The following KHDRBS2 variants were observed in gnomAD, a reference collection of about 807,000 sequenced individuals.
KHDRBS2 encodes KH RNA binding domain containing, signal transduction associated 2, also known as KH domain-containing, RNA-binding, signal transduction-associated protein 2.
KHDRBS2 carries 26 observed loss-of-function variants against 44.3 expected under a neutral mutation model. That is an observed-to-expected ratio of 0.59 (90% confidence interval 0.43 to 0.81). The LOEUF (loss-of-function observed/expected upper bound fraction) is 0.81, where lower values mean the gene tolerates loss of function less well. Among genes scored for constraint, KHDRBS2 ranks in the 40% least tolerant of loss-of-function variants. KHDRBS2 has a pLI of 0.00. For missense variants in KHDRBS2, 476 were observed against 433.1 expected, an observed-to-expected ratio of 1.10 and a Z score of -0.88; for synonymous variants, 194 against 151.1, an observed-to-expected ratio of 1.28 and a Z score of -2.08.
At chr6:61,574,461 T>G in the KHDRBS2 span, 1 of 1,359,994 alleles carries the variant, frequency 7.4e-7, no homozygotes, top group South Asian at 1.3e-5. Context: ...CAACACCCAA[T>G]AAGCCCACAG....
chr6:62,248,752 G>A lies in KHDRBS2; in HGVS notation c.91+37106C>T, dbSNP rs183683423. Among the ~76,000 whole-genome samples the A allele has an allele frequency of 3.8e-3, 580 of 152,148 alleles. 2 individuals are homozygous for A. The highest frequency in any genetic ancestry group is 6.9e-3 in the Non-Finnish European group (469 of 67,980). Reference sequence around the variant, plus strand: ...CAATTGAATTGTCTGATTTTACTTTGAGGAAAACTCTAAATGGCAAAAGGT... The same window carrying A: ...CAATTGAATTGTCTGATTTTACTTTAAGGAAAACTCTAAATGGCAAAAGGT... On this transcript the variant is annotated intron_variant, in intron 1 of 8. Coordinates refer to ENST00000281156, the MANE Select transcript of KHDRBS2 (RefSeq NM_152688.4).
chr6:62,065,434 C>G (rs1284229175), intron 2 of KHDRBS2, among the ~76,000 whole-genome samples: 1 of 136,750 alleles, frequency 7.3e-6, no homozygotes, highest in African/African-American at 2.6e-5. Flanking sequence ...ACATATACAC[C>G]ATGGAATACT....
At chr6:61,603,224 A>C in the KHDRBS2 span, among the ~76,000 whole-genome samples, 1 of 152,148 alleles carries the variant, frequency 6.6e-6, no homozygotes, top group Non-Finnish European at 1.5e-5. Flanking sequence ...CAGGCCTTAC[A>C]GGTTAGTTCA....
the KHDRBS2 span, among the ~76,000 whole-genome samples, chr6:61,579,792 T>C: frequency 8.6e-5 from 13 of 152,032 alleles, 2 homozygotes; most frequent in Admixed American, 7.9e-4. Flanking sequence ...GTGTGGTGGC[T>C]CATGCCTGTA....
At chr6:61,703,271 T>C (rs1430313445) in intron 7 of KHDRBS2, among the ~76,000 whole-genome samples, 1 of 151,852 alleles carries the variant, frequency 6.6e-6, no homozygotes. Flanking sequence ...TGCCAGTCAA[T>C]GTCACATATT....
At chr6:61,727,448 T>C (rs1773756334) in intron 7 of KHDRBS2, among the ~76,000 whole-genome samples, 1 of 152,016 alleles carries the variant, frequency 6.6e-6, no homozygotes, top group African/African-American at 2.4e-5. Context: ...ACTAAAGAGC[T>C]TCTTCTGCAC....
chr6:61,577,504 A>G, the KHDRBS2 span, among the ~76,000 whole-genome samples: 1 of 152,160 alleles, frequency 6.6e-6, no homozygotes, highest in Non-Finnish European at 1.5e-5. Context: ...GACTTTTGAT[A>G]TGGAAAAAAG....
the KHDRBS2 span, among the ~76,000 whole-genome samples, chr6:61,641,266 C>G: frequency 6.6e-6 from 1 of 152,168 alleles, no homozygotes; most frequent in African/African-American, 2.4e-5. Flanking sequence ...AGTTAGCATG[C>G]CACTCTCATA....
At chr6:62,212,004 C>G (rs911269708) in intron 1 of KHDRBS2, among the ~76,000 whole-genome samples, 3 of 152,120 alleles carry the variant, frequency 2.0e-5, no homozygotes, top group Admixed American at 1.3e-4. Flanking sequence ...ATGTCCTTTG[C>G]AGGTACATGG....
chr6:61,738,406 G>A (rs1279772211), intron 6 of KHDRBS2, among the ~76,000 whole-genome samples: 2 of 151,964 alleles, frequency 1.3e-5, no homozygotes, highest in Non-Finnish European at 2.9e-5. Context: ...TATCTGTGAA[G>A]TTATAAATTC....
chr6:61,657,254 C>T, the KHDRBS2 span, among the ~76,000 whole-genome samples: 3 of 151,982 alleles, frequency 2.0e-5, no homozygotes, highest in Non-Finnish European at 4.4e-5. Flanking sequence ...AAGATGCCCT[C>T]GACTTTTACC....
At chr6:61,570,778 A>G in the KHDRBS2 span, among the ~76,000 whole-genome samples, 1 of 152,162 alleles carries the variant, frequency 6.6e-6, no homozygotes, top group African/African-American at 2.4e-5. Context: ...GCTTCCTAAA[A>G]CAAAATAATT....
downstream of KHDRBS2, among the ~76,000 whole-genome samples, chr6:61,678,170 G>A (rs1766051120): frequency 6.6e-6 from 1 of 151,844 alleles, no homozygotes; most frequent in African/African-American, 2.4e-5. Context: ...ATTAAAACTT[G>A]GGGTTTAAAA....
the KHDRBS2 span, among the ~76,000 whole-genome samples, chr6:61,551,717 T>C: frequency 1.3e-5 from 2 of 152,142 alleles, no homozygotes; most frequent in Admixed American, 6.5e-5. Flanking sequence ...GTCCCACTAG[T>C]CTATGTGTTT....
intron 1 of KHDRBS2, among the ~76,000 whole-genome samples, chr6:62,213,070 C>T (rs982532686): frequency 6.6e-6 from 1 of 152,102 alleles, no homozygotes; most frequent in African/African-American, 2.4e-5. Context: ...AATATTGCTA[C>T]CTGGCTCATC....
chr6:61,678,906 T>C (rs1463371678), downstream of KHDRBS2: 3 of 151,848 alleles, frequency 2.0e-5, no homozygotes, highest in Non-Finnish European at 1.5e-5. Flanking sequence ...TCTTAGCAAA[T>C]CACATCGGTT....
At chr6:61,632,064 C>T in the KHDRBS2 span, among the ~76,000 whole-genome samples, 4 of 151,984 alleles carry the variant, frequency 2.6e-5, no homozygotes, top group African/African-American at 9.7e-5. Context: ...ACTTACATGC[C>T]CTTTATCCTT....
intron 1 of KHDRBS2, among the ~76,000 whole-genome samples, chr6:62,186,267 A>G (rs1489101412): frequency 4.6e-5 from 7 of 152,124 alleles, no homozygotes; most frequent in African/African-American, 1.7e-4. Context: ...ATATCCTCCT[A>G]AAACGGCTGT....
intron 4 of KHDRBS2, among the ~76,000 whole-genome samples, chr6:61,921,046 A>G (rs1049054135): frequency 3.9e-5 from 6 of 152,038 alleles, no homozygotes; most frequent in Admixed American, 1.3e-4. Context: ...GAAAAGTTTG[A>G]AAGAACAGAA....
Sources: gnomAD v4.1 joint callset for allele counts (sites outside exome capture counted in the v4.1 genomes callset) on GRCh38, gnomAD v4.1.1 for gene constraint, MANE v1.5 for transcripts, NCBI Gene and HGNC (gene_info 2026-07-23, HGNC 2026-07-21) for gene names.